Variants in ZNF331 observed in about 807,000 individuals in gnomAD.
ZNF331 encodes the protein C2H2-like zinc finger protein rearranged in thyroid adenomas.
A neutral mutation model predicts 7.0 loss-of-function variants in ZNF331; 2 were observed. The ratio of observed to expected loss-of-function variants is 0.29; its 90% CI spans 0.12 to 0.90. The LOEUF (loss-of-function observed/expected upper bound fraction) is 0.90. ZNF331 is among the 40% of genes least tolerant of loss of function. ZNF331 has a pLI of 0.58. For synonymous variants in ZNF331, 196 were observed against 205.4 expected (o/e 0.95, Z 0.39); for missense variants, 432 against 587.7 (o/e 0.74, Z 2.74).
intron 2 of ZNF331, among the ~76,000 whole-genome samples, chr19:53,551,336 A>G (rs2088996626): frequency 6.6e-6 from 1 of 152,156 alleles, no homozygotes; most frequent in Non-Finnish European, 1.5e-5. Context: ...CTAAACATGT[A>G]TGTGCTTTTG....
At chr19:53,510,782 T>G in the ZNF331 span, among the ~76,000 whole-genome samples, 1 of 152,070 alleles carries the variant, frequency 6.6e-6, no homozygotes, top group African/African-American at 2.4e-5. Flanking sequence ...AATATTGATT[T>G]TTTTTACCCA....
chr19:53,521,343 T>A (rs371303881), exon 1 of ZNF331: 3 of 153,220 alleles, frequency 2.0e-5, no homozygotes, highest in Admixed American at 6.6e-5. Context: ...TGTGTGTGTG[T>A]GTGTGTGTGT....
chr19:53,544,223 C>CA (rs749703319), intron 2 of ZNF331, among the ~76,000 whole-genome samples: 292 of 114,138 alleles, frequency 2.6e-3, no homozygotes, highest in African/African-American at 5.1e-3. Context: ...GACTCCGTCT[C>CA]AAAAAAAAAA....
chr19:53,568,169 C>T (rs920721229), intron 3 of ZNF331, among the ~76,000 whole-genome samples: 2 of 151,358 alleles, frequency 1.3e-5, no homozygotes, highest in African/African-American at 4.9e-5. Flanking sequence ...CGCTTGAACC[C>T]GGGAGGCAGA....
At chr19:53,545,660 C>T (rs1362964623) in intron 2 of ZNF331, among the ~76,000 whole-genome samples, 1 of 152,194 alleles carries the variant, frequency 6.6e-6, no homozygotes, top group African/African-American at 2.4e-5. Flanking sequence ...CTTGTATTTC[C>T]ATTGTCTCTG....
intron 2 of ZNF331, among the ~76,000 whole-genome samples, chr19:53,544,280 T>G: frequency 6.7e-6 from 1 of 148,198 alleles, no homozygotes; most frequent in East Asian, 2.0e-4. Flanking sequence ...GTGTGGTGGC[T>G]CATGCCTGTA....
chr19:53,537,607 G>C (rs67529716), upstream of ZNF331: 31,115 of 152,336 alleles, frequency 0.2, 3,642 homozygotes, highest in Middle Eastern at 0.28. Context: ...GCCTGGGACC[G>C]TCCCGGACTA....
intron 2 of ZNF331, among the ~76,000 whole-genome samples, chr19:53,540,031 T>G (rs545594141): frequency 5.3e-5 from 8 of 152,334 alleles, no homozygotes; most frequent in Admixed American, 4.6e-4. Context: ...TTCCATTGAA[T>G]AAGATTTTTG....
At chr19:53,515,186 G>A (rs1272401810), upstream of ZNF331, among the ~76,000 whole-genome samples, 4 of 152,144 alleles carry the variant, frequency 2.6e-5, no homozygotes, top group Non-Finnish European at 4.4e-5. Flanking sequence ...CCTGCTCCGC[G>A]TTCTGTTATG....
At chr19:53,506,418 C>CTCTCTCTCTCTCTCTGTCTCTCTG in the ZNF331 span, among the ~76,000 whole-genome samples, 10 of 65,638 alleles carry the variant, frequency 1.5e-4, no homozygotes, top group African/African-American at 7.0e-4. Flanking sequence ...TCTCCTCTCT[C>CTCTCTCTCTCTCTCTGTCTCTCTG]TCTCTCTCTC....
At chr19:53,512,255 G>C in the ZNF331 span, 6 of 153,624 alleles carry the variant, frequency 3.9e-5, no homozygotes, top group Non-Finnish European at 8.8e-5. Flanking sequence ...CAGCAGGGAA[G>C]ACAGAGATGC....
intron 2 of ZNF331, among the ~76,000 whole-genome samples, chr19:53,551,243 AAATT>A (rs771271149): frequency 2.6e-5 from 4 of 152,236 alleles, no homozygotes; most frequent in Non-Finnish European, 5.9e-5. Flanking sequence ...AAGAATCTCA[AAATT>A]AATTACCCAT....
At chr19:53,536,752 A>T (rs1447504896), upstream of ZNF331, among the ~76,000 whole-genome samples, 1 of 152,160 alleles carries the variant, frequency 6.6e-6, no homozygotes, top group Admixed American at 6.5e-5. Context: ...ATACAAAAAA[A>T]ATTAGCCGGG....
chr19:53,528,679 A>C (rs2087403697), intron 2 of ZNF331, among the ~76,000 whole-genome samples: 1 of 152,234 alleles, frequency 6.6e-6, no homozygotes. Context: ...TTGGTAATAC[A>C]TCATAAATGC....
At position 53,579,314 on chromosome 19, in the gene ZNF331, C is replaced by G. The variant is rs1488760965; in HGVS notation, c.*1362C>G. On this transcript the variant is annotated 3_prime_UTR_variant, in exon 6 of 6. Transcript: ENST00000449416. ...CTGCTAATGTAACACGTGAGAAAGC[C>G]TTTGGTCATGCCACCCACTCTACCA... 2 of 222,606 alleles carry G rather than the reference C, an allele frequency of 9.0e-6. No homozygotes were observed. The highest frequency in any genetic ancestry group is 4.5e-5 in the African/African-American group (2 of 44,730). The allele number at this position is 222,606 out of a possible 1,614,324, so 13.8% of individuals were successfully genotyped here. A position where few individuals can be genotyped will look rare whatever the true frequency, so the allele number is the denominator to read the frequency against.
chr19:53,572,994 G>A (rs573023602), intron 5 of ZNF331, among the ~76,000 whole-genome samples: 3 of 152,172 alleles, frequency 2.0e-5, no homozygotes, highest in South Asian at 2.1e-4. Flanking sequence ...TGAGGTGGGC[G>A]GATCACTGGA....
chr19:53,550,650 C>T (rs1311202792), intron 2 of ZNF331, among the ~76,000 whole-genome samples: 1 of 146,054 alleles, frequency 6.8e-6, no homozygotes, highest in Non-Finnish European at 1.5e-5. Flanking sequence ...GATTCTCCTG[C>T]CTCAGCCTCC....
At chr19:53,563,287 C>T (rs1306073849) in intron 3 of ZNF331, among the ~76,000 whole-genome samples, 2 of 151,924 alleles carry the variant, frequency 1.3e-5, no homozygotes, top group African/African-American at 4.8e-5. Context: ...GGGGTTTCAC[C>T]ATGTTGGGCA....
At chr19:53,541,108 TTC>T (rs1491475600) in intron 2 of ZNF331, among the ~76,000 whole-genome samples, 3 of 87,906 alleles carry the variant, frequency 3.4e-5, no homozygotes, top group African/African-American at 1.3e-4. Context: ...CATATTTCTT[TTC>T]TTTTTTTTTT....
Sources: allele counts gnomAD v4.1 joint callset (sites outside exome capture counted in the v4.1 genomes callset), GRCh38; gene constraint gnomAD v4.1.1; transcripts MANE v1.5; gene names NCBI Gene and HGNC (gene_info 2026-07-23, HGNC 2026-07-21).